Variants in PPM1L observed in about 807,000 individuals in gnomAD.
PPM1L encodes protein phosphatase 1L.
Under a neutral mutation model 31.4 loss-of-function variants are expected in PPM1L, and 13 were observed. That is an observed-to-expected ratio of 0.41 (90% confidence interval 0.27 to 0.66). The LOEUF (loss-of-function observed/expected upper bound fraction) is 0.66. Ranked by LOEUF, PPM1L falls within the 30% of genes least tolerant of loss-of-function variation. The pLI is 0.29. For synonymous variants in PPM1L, 184 were observed against 175.4 expected, an observed-to-expected ratio of 1.05 and a Z score of -0.39; for missense variants, 326 against 453.7, an observed-to-expected ratio of 0.72 and a Z score of 2.56.
chr3:160,773,245 C>T (rs1711500972), intron 1 of PPM1L, among the ~76,000 whole-genome samples: 1 of 152,184 alleles, frequency 6.6e-6, no homozygotes, highest in African/African-American at 2.4e-5. Context: ...TTCCTCATAA[C>T]TAATGATATT....
chr3:160,835,039 A>ACTTCTTCTTCTTCTTCCTCTT (rs1713658456), intron 1 of PPM1L, among the ~76,000 whole-genome samples: 1 of 131,754 alleles, frequency 7.6e-6, no homozygotes, highest in East Asian at 2.2e-4. Context: ...TACTACTACT[A>ACTTCTTCTTCTTCTTCCTCTT]CTTCTTCTTC....
intron 1 of PPM1L, among the ~76,000 whole-genome samples, chr3:160,923,314 C>T (rs1714476834): frequency 6.6e-6 from 1 of 152,158 alleles, no homozygotes; most frequent in Non-Finnish European, 1.5e-5. Flanking sequence ...GAAACCAGTT[C>T]ATCTGATTTT....
chr3:160,790,047 T>TAATGACA (rs1480474197), intron 1 of PPM1L, among the ~76,000 whole-genome samples: 1 of 152,122 alleles, frequency 6.6e-6, no homozygotes, highest in Admixed American at 6.6e-5. Flanking sequence ...CTTTAGTGAA[T>TAATGACA]AATGACAAGA....
chr3:161,048,935 TG>T (rs1227474136), intron 2 of PPM1L, among the ~76,000 whole-genome samples: 18 of 50,404 alleles, frequency 3.6e-4, no homozygotes, highest in Admixed American at 1.6e-3. Flanking sequence ...TGTCGTGGGG[TG>T]GGGGGAGGGG....
chr3:160,891,994 CAG>C (rs968459094), intron 1 of PPM1L, among the ~76,000 whole-genome samples: 27 of 152,024 alleles, frequency 1.8e-4, no homozygotes, highest in Admixed American at 9.2e-4. Context: ...CGGGGCCTGT[CAG>C]GGGGTGGAGG....
At chr3:160,955,936 G>A (rs914885506) in intron 1 of PPM1L, among the ~76,000 whole-genome samples, 3 of 152,142 alleles carry the variant, frequency 2.0e-5, no homozygotes, top group Non-Finnish European at 2.9e-5. Flanking sequence ...TTACAGGCGT[G>A]AGCCACCACG....
rs1719876857 is a variant in PPM1L, at chr3:161,070,607, A to G, written c.*1450A>G. ...TATTATTTAGAGAAAATGCTGGGTCACTCTCTTTGCCTAAGGTGACTCAAA... is the reference window on the plus strand; with the variant it reads ...TATTATTTAGAGAAAATGCTGGGTCGCTCTCTTTGCCTAAGGTGACTCAAA... On this transcript the variant is annotated 3_prime_UTR_variant, in exon 4 of 4. Coordinates refer to ENST00000498165, the MANE Select transcript of PPM1L (RefSeq NM_139245.4). The G allele has an allele frequency of 6.6e-6, 1 of 151,902 alleles. No individual in the cohort carries two copies. Among genetic ancestry groups the G allele is most frequent in the Admixed American group, 6.6e-5 (1 of 15,246 alleles). 9.4% of individuals were successfully genotyped at this position (151,902 alleles called of 1,614,324 possible). A position where few individuals can be genotyped will look rare whatever the true frequency, so the allele number is the denominator to read the frequency against.
At chr3:160,922,180 G>T (rs1430943336) in intron 1 of PPM1L, among the ~76,000 whole-genome samples, 1 of 152,040 alleles carries the variant, frequency 6.6e-6, no homozygotes, top group African/African-American at 2.4e-5. Flanking sequence ...CGTGGTGGCA[G>T]GCACCTGTAG....
intron 1 of PPM1L, among the ~76,000 whole-genome samples, chr3:160,814,498 TATATGTATGTGTATATATATACACACAC>T (rs1304541110): frequency 1.4e-5 from 2 of 144,526 alleles, no homozygotes; most frequent in Non-Finnish European, 3.0e-5. Flanking sequence ...CACACACACA[TATATGTATGTGTATATATATACACACAC>T]ATATGTATGT....
At chr3:160,899,877 A>G (rs907144705) in intron 1 of PPM1L, among the ~76,000 whole-genome samples, 6 of 152,140 alleles carry the variant, frequency 3.9e-5, no homozygotes, top group African/African-American at 1.2e-4. Flanking sequence ...TGAAGGTAGA[A>G]ACTTGTTTAT....
intron 1 of PPM1L, among the ~76,000 whole-genome samples, chr3:160,887,555 T>C (rs114540098): frequency 0.076 from 11,393 of 150,452 alleles, 546 homozygotes; most frequent in African/African-American, 0.12. Flanking sequence ...CCAGAAGAGA[T>C]TGGGGGCTAA....
At chr3:161,050,553 T>A (rs1403460434) in intron 2 of PPM1L, among the ~76,000 whole-genome samples, 1 of 152,178 alleles carries the variant, frequency 6.6e-6, no homozygotes, top group Non-Finnish European at 1.5e-5. Flanking sequence ...TTTAAATGAA[T>A]GAAATTGGAA....
chr3:160,969,894 G>A (rs115277830), intron 2 of PPM1L, among the ~76,000 whole-genome samples: 2,094 of 152,050 alleles, frequency 0.014, 45 homozygotes, highest in African/African-American at 0.046. Flanking sequence ...TTTTTTAAAC[G>A]TGGAAAAAGG....
In PPM1L at chr3:160,980,168, T is replaced by C. The variant is rs536327544; in HGVS notation, c.574+18258T>C. ...GTTTCTGATGTCAATTTCTGTTGGT[T>C]GCCTCTGCTTCATCTCAGAGCTTGA... is the stretch of plus-strand genomic sequence containing the variant. On this transcript the variant is annotated intron_variant, in intron 2 of 3. Coordinates refer to ENST00000498165, the MANE Select transcript of PPM1L (RefSeq NM_139245.4). Among the ~76,000 whole-genome samples the C allele has an allele frequency of 3.3e-5, 5 of 152,194 alleles. No individual in the cohort carries two copies. The East Asian group carries it at 9.6e-4, about 29-fold the overall frequency.
At chr3:161,067,930 T>C (rs1719787624) in intron 3 of PPM1L, among the ~76,000 whole-genome samples, 1 of 152,218 alleles carries the variant, frequency 6.6e-6, no homozygotes. Context: ...AATACCACTT[T>C]GTGCTTATTG....
rs149939906 is a variant in PPM1L, at chr3:160,960,523, T to C, written c.400-1213T>C. 2.2e-3 allele frequency among the ~76,000 whole-genome samples: 341 copies of C among 151,774 alleles called. 1 individual carries two copies. The highest frequency in any genetic ancestry group is 7.8e-3 in the African/African-American group (321 of 41,328). On this transcript the variant is annotated intron_variant, in intron 1 of 3. Transcript: ENST00000498165. ...AGCAAAGATTGCCCCAGATACCATCTTTTTGTTTGTTTGTTTGTTCGTTTT... is the reference window on the plus strand; with the variant it reads ...AGCAAAGATTGCCCCAGATACCATCCTTTTGTTTGTTTGTTTGTTCGTTTT...
intron 1 of PPM1L, among the ~76,000 whole-genome samples, chr3:160,916,946 A>G (rs1714206671): frequency 1.3e-5 from 2 of 152,226 alleles, no homozygotes; most frequent in Non-Finnish European, 1.5e-5. Flanking sequence ...TTTTTAAACT[A>G]TATAAACACT....
At chr3:160,876,152 G>T (rs1712502363) in intron 1 of PPM1L, among the ~76,000 whole-genome samples, 1 of 152,124 alleles carries the variant, frequency 6.6e-6, no homozygotes, top group Non-Finnish European at 1.5e-5. Context: ...GTACATAAAC[G>T]ATTCAAAATA....
At chr3:160,984,642 G>A (rs1716906647) in intron 2 of PPM1L, among the ~76,000 whole-genome samples, 2 of 152,160 alleles carry the variant, frequency 1.3e-5, no homozygotes, top group Non-Finnish European at 2.9e-5. Flanking sequence ...TTCTTCTGCC[G>A]TGGCTTCAGC....
Sources: allele counts gnomAD v4.1 joint callset (sites outside exome capture counted in the v4.1 genomes callset), GRCh38; gene constraint gnomAD v4.1.1; transcripts MANE v1.5; gene names NCBI Gene and HGNC (gene_info 2026-07-23, HGNC 2026-07-21).